The following MRPL19 variants were observed in gnomAD, a reference collection of about 807,000 sequenced individuals.
MRPL19 encodes mitochondrial ribosomal protein L19.
In MRPL19, 31 loss-of-function variants were observed where a neutral mutation model predicts 34.0. The observed-to-expected ratio is 0.91, with a 90% CI of 0.68 to 1.23. The LOEUF is 1.23. MRPL19 is among the 50% of genes most tolerant of loss of function. The pLI is 0.00. For missense variants in MRPL19, 384 were observed against 367.6 expected (o/e 1.04, Z -0.37); for synonymous variants, 152 against 127.7 (o/e 1.19, Z -1.28).
rs13426287 is a variant in MRPL19, at chr2:75,660,708, T to C, written c.*5423T>C. The C allele has an allele frequency of 0.5, 76,107 of 152,034 alleles. 20,586 individuals carry two copies. The highest frequency in any genetic ancestry group is 0.73 in the African/African-American group (30,242 of 41,486). 9.4% of individuals were successfully genotyped at this position (152,034 alleles called of 1,614,324 possible). On this transcript the variant is annotated 3_prime_UTR_variant, in exon 6 of 6. Transcript: ENST00000393909. ...TCTCTCCCAGTCTTTCCAGTCTTTG[T>C]AGATTGGTTCTGTGCTGGGCTTTTC...
At chr2:75,651,126 T>C (rs1305376599) in intron 2 of MRPL19, among the ~76,000 whole-genome samples, 1 of 152,200 alleles carries the variant, frequency 6.6e-6, no homozygotes, top group African/African-American at 2.4e-5. Context: ...GCATTTGACC[T>C]AGAGTCCTTG....
rs1293906447 is a variant in MRPL19 at position 75,656,188 on chromosome 2, G to C, written c.*903G>C. ...ATCAAACTCTGTATCTTAGGATTAGGTTAAAACAATACCTTTGGTATGATA... is the reference window on the plus strand; with the variant it reads ...ATCAAACTCTGTATCTTAGGATTAGCTTAAAACAATACCTTTGGTATGATA... On this transcript the variant is annotated 3_prime_UTR_variant, in exon 6 of 6. Coordinates refer to ENST00000393909, the MANE Select transcript of MRPL19 (RefSeq NM_014763.4). 2.0e-5 allele frequency: 3 copies of C among 152,172 alleles called. No homozygotes were observed. The East Asian group carries it at 5.8e-4, about 29-fold the overall frequency. 9.4% of individuals were successfully genotyped at this position (152,172 alleles called of 1,614,324 possible). A position where few individuals can be genotyped will look rare whatever the true frequency, so the allele number is the denominator to read the frequency against.
At position 75,655,518 on chromosome 2, in the gene MRPL19, C is replaced by A. The variant is rs915852486; in HGVS notation, c.*233C>A. 6 of 393,456 alleles carry A rather than the reference C, an allele frequency of 1.5e-5. No individual in the cohort carries two copies. The highest frequency in any genetic ancestry group is 1.3e-4 in the African/African-American group (6 of 47,924). 24.4% of individuals were successfully genotyped at this position (393,456 alleles called of 1,614,324 possible). A position where few individuals can be genotyped will look rare whatever the true frequency, so the allele number is the denominator to read the frequency against. ...CATTTGCTTATTGGAGGCAAAGCTA[C>A]AATAGAAGTCAGAGCATCACCAGAA... is the stretch of plus-strand genomic sequence containing the variant. On this transcript the variant is annotated 3_prime_UTR_variant, in exon 6 of 6. Coordinates refer to ENST00000393909, the MANE Select transcript of MRPL19 (RefSeq NM_014763.4).
intron 1 of MRPL19, 32 bp from the exon 2 acceptor site, chr2:75,647,070 A>C: frequency 6.4e-7 from 1 of 1,552,536 alleles, no homozygotes; most frequent in Non-Finnish European, 8.7e-7. Flanking sequence ...GGTTGGCACG[A>C]GAGTTCTGAC....
chr2:75,647,804 A>G (rs558075109), intron 2 of MRPL19: 1 of 152,376 alleles, frequency 6.6e-6, no homozygotes, highest in South Asian at 2.1e-4. Context: ...GCCAGTTTTC[A>G]GAGGAAAAAC....
In MRPL19 at chr2:75,647,125, C is replaced by T; in HGVS notation, c.127C>T (p.Gln43Ter). The T allele has an allele frequency of 6.3e-7, 1 of 1,585,760 alleles. No homozygotes were observed. Among genetic ancestry groups the T allele is most frequent in the Non-Finnish European group, 8.6e-7 (1 of 1,165,418 alleles). Residue 43 changes from glutamine to a stop codon, truncating the protein, a stop_gained, in exon 2 of 6, where the codon CAG becomes TAG. Coordinates refer to ENST00000393909, the MANE Select transcript of MRPL19 (RefSeq NM_014763.4). LOFTEE classifies it high-confidence loss of function. ...AGGGGTCCACGCGGGGCCTGTCCGG[C>T]AGCAGAGCACTGGGCCTTCCGAGCC... ...ACRVHAGPVR[Q>*]QSTGPSEPGA...
intron 5 of MRPL19, 34 bp from the exon 6 acceptor site, chr2:75,655,026 ATTGC>A: frequency 1.3e-5 from 14 of 1,114,552 alleles, no homozygotes; most frequent in Non-Finnish European, 1.8e-5. Flanking sequence ...CAGCCTAATT[ATTGC>A]TTTTTTTTTT....
chr2:75,658,801 G>T lies in MRPL19; in HGVS notation c.*3516G>T, dbSNP rs1678529347. Among the ~76,000 whole-genome samples the T allele has an allele frequency of 6.6e-6, 1 of 152,068 alleles. No individual in the cohort carries two copies. The highest frequency in any genetic ancestry group is 1.5e-5 in the Non-Finnish European group (1 of 68,004). On this transcript the variant is annotated 3_prime_UTR_variant, in exon 6 of 6. Coordinates refer to ENST00000393909, the MANE Select transcript of MRPL19 (RefSeq NM_014763.4). The stretch of plus-strand genomic sequence containing the variant: ...TATTGTTGACTGTAGTTTTCTATAT[G>T]TCTCTTAGGTCAAGGTGGTTTACAA...
Position 75,654,851 on chromosome 2 carries a change from T to C in MRPL19, c.591T>C (p.Tyr197=), listed in dbSNP as rs770775861. The C allele has an allele frequency of 2.5e-5, 41 of 1,613,750 alleles. 1 individual carries two copies. The highest frequency in any genetic ancestry group is 8.9e-5 in the East Asian group (4 of 44,872). ...ACTTACGAGATGCCCTTCCTGAATA[T>C]AGCACTTTTGATGTGAATATGAAGC... ...LLYLRDALPE[Y]STFDVNMKPV... Residue 197 remains tyrosine (Y), a synonymous_variant, in exon 5 of 6, where the codon TAT becomes TAC. Coordinates refer to ENST00000393909, the MANE Select transcript of MRPL19 (RefSeq NM_014763.4).
rs879124353 is a variant in MRPL19 at position 75,649,574 on chromosome 2, G to C, written c.221+2355G>C. ...CTTTTATAGGTGTCAGAAGGGTATC[G>C]TGATAATATAGGAGCAAGTCCTTAT... On this transcript the variant is annotated intron_variant, in intron 2 of 5. Coordinates refer to ENST00000393909, the MANE Select transcript of MRPL19 (RefSeq NM_014763.4). 2.0e-5 allele frequency among the ~76,000 whole-genome samples: 3 copies of C among 152,140 alleles called. No homozygotes were observed. The East Asian group carries it at 5.8e-4, about 29-fold the overall frequency.
At chr2:75,651,534 C>A in intron 2 of MRPL19, 1 of 468,864 alleles carries the variant, frequency 2.1e-6, no homozygotes, top group South Asian at 1.6e-5. Context: ...TTGTCAGAAC[C>A]TTCATATTCA....
rs137865984 is a variant in MRPL19 at position 75,657,333 on chromosome 2, T to A, written c.*2048T>A. ...CATGAATATTTTGGTTTTGTCAGATTCCCTAGAATAGAGGCTTCCAATCTC... is the reference window on the plus strand; with the variant it reads ...CATGAATATTTTGGTTTTGTCAGATACCCTAGAATAGAGGCTTCCAATCTC... On this transcript the variant is annotated 3_prime_UTR_variant, in exon 6 of 6. Transcript: ENST00000393909. 2.0e-5 allele frequency: 3 copies of A among 152,016 alleles called. No homozygotes were observed. The highest frequency in any genetic ancestry group is 2.9e-5 in the Non-Finnish European group (2 of 67,974). The allele number at this position is 152,016 out of a possible 1,614,324, so 9.4% of individuals were successfully genotyped here. A position where few individuals can be genotyped will look rare whatever the true frequency, so the allele number is the denominator to read the frequency against.
At chr2:75,652,046 AC>A in intron 2 of MRPL19, 95 bp from the exon 3 acceptor site, 1 of 649,640 alleles carries the variant, frequency 1.5e-6, no homozygotes, top group East Asian at 2.8e-5. Context: ...AGAATAAAAT[AC>A]ATCAATATCA....
Position 75,658,179 on chromosome 2 carries a change from A to G in MRPL19, c.*2894A>G, listed in dbSNP as rs570176601. On this transcript the variant is annotated 3_prime_UTR_variant, in exon 6 of 6. Transcript: ENST00000393909. ...AGCCTCAAAATCCTGGGCTCAAGCA[A>G]TCCTCCTTGAGTAGCTAAGACTATA... 6.6e-4 allele frequency among the ~76,000 whole-genome samples: 101 copies of G among 152,124 alleles called. No homozygotes were observed. Among genetic ancestry groups the G allele is most frequent in the South Asian group, 6.0e-3 (29 of 4,804 alleles).
intron 1 of MRPL19, 73 bp downstream of exon 1, chr2:75,646,983 G>T (rs1001764702): frequency 6.7e-7 from 1 of 1,488,532 alleles, no homozygotes; most frequent in Non-Finnish European, 9.0e-7. Context: ...CGAACCTGGA[G>T]ATCAGAGGCA....
In MRPL19 at chr2:75,646,799, C is replaced by T. The variant is rs760109411; in HGVS notation, c.-9C>T. The T allele has an allele frequency of 7.3e-6, 11 of 1,503,026 alleles. 1 individual carries two copies. The South Asian group carries it at 1.2e-4, about 16-fold the overall frequency. 93.1% of individuals were successfully genotyped at this position (1,503,026 alleles called of 1,614,324 possible). ...CTGGGAGCTGTAGTCTTGACGTGAG[C>T]TAGCTGGCATGGCGGCCTGCATTGC... is the stretch of plus-strand genomic sequence containing the variant. On this transcript the variant is annotated 5_prime_UTR_variant, in exon 1 of 6. Transcript: ENST00000393909.
At chr2:75,652,083 A>T in intron 2 of MRPL19, 59 bp from the exon 3 acceptor site, 1 of 1,006,004 alleles carries the variant, frequency 9.9e-7, no homozygotes, top group Non-Finnish European at 1.5e-6. Flanking sequence ...AAAAGCAACA[A>T]TTTTTCTTCT....
rs1024273296 is a variant in MRPL19 at position 75,659,221 on chromosome 2, C to T, written c.*3936C>T. Among the ~76,000 whole-genome samples, 2 of 151,986 alleles carry T rather than the reference C, an allele frequency of 1.3e-5. No homozygotes were observed. The highest frequency in any genetic ancestry group is 2.4e-5 in the African/African-American group (1 of 41,396). On this transcript the variant is annotated 3_prime_UTR_variant, in exon 6 of 6. Coordinates refer to ENST00000393909, the MANE Select transcript of MRPL19 (RefSeq NM_014763.4). Reference sequence around the variant, plus strand: ...TGGGGATTATAGTTAACATCCTACACTTAAAACAATCTAATTTAAACTGAT... The same window carrying T: ...TGGGGATTATAGTTAACATCCTACATTTAAAACAATCTAATTTAAACTGAT...
At chr2:75,647,464 T>A (rs927061749) in intron 2 of MRPL19, 3 of 505,812 alleles carry the variant, frequency 5.9e-6, no homozygotes, top group Non-Finnish European at 1.0e-5. Context: ...TTTTAAACTC[T>A]TTTCTCTGTG....
Sources: allele counts gnomAD v4.1 joint callset (sites outside exome capture counted in the v4.1 genomes callset), GRCh38; gene constraint gnomAD v4.1.1; transcripts MANE v1.5; gene names NCBI Gene and HGNC (gene_info 2026-07-23, HGNC 2026-07-21).